Variants in VPS26C observed in about 807,000 individuals in gnomAD.
The protein encoded by VPS26C is vacuolar protein sorting-associated protein 26C.
Under a neutral mutation model 30.6 loss-of-function variants are expected in VPS26C, and 19 were observed. That is an observed-to-expected ratio of 0.62 (90% confidence interval 0.43 to 0.91). VPS26C has a LOEUF of 0.91. Among genes scored for constraint, VPS26C ranks in the 40% least tolerant of loss-of-function variants. The pLI is 0.00. For synonymous variants in VPS26C, 132 were observed against 151.5 expected (o/e 0.87, Z 0.95); for missense variants, 318 against 385.1 (o/e 0.83, Z 1.46).
intron 3 of VPS26C, chr21:37,237,752 G>A (rs1333622377): frequency 8.5e-5 from 13 of 152,196 alleles, no homozygotes; most frequent in Admixed American, 8.5e-4. Context: ...GCAGGATAAT[G>A]TATCTACTAA....
chr21:37,265,872 G>A (rs1204185651), intron 1 of VPS26C, among the ~76,000 whole-genome samples: 1 of 148,054 alleles, frequency 6.8e-6, no homozygotes, highest in Non-Finnish European at 1.5e-5. Context: ...AGAGGAGTGT[G>A]ACTACCAGAT....
rs1371445450 is a variant in VPS26C, at chr21:37,224,535, A to G, written c.*1009T>C. The G allele has an allele frequency of 2.0e-5, 3 of 152,138 alleles. No individual in the cohort carries two copies. The highest frequency in any genetic ancestry group is 6.5e-5 in the Admixed American group (1 of 15,272). The allele number at this position is 152,138 out of a possible 1,614,324, so 9.4% of individuals were successfully genotyped here. ...ACAGTTTGGAAAACTGTCTCTCTCT[A>G]TGTATGTATCTGTTCAGGGAAATGG... On this transcript the variant is annotated 3_prime_UTR_variant, in exon 8 of 8. Transcript: ENST00000309117.
intron 1 of VPS26C, among the ~76,000 whole-genome samples, chr21:37,260,181 G>A (rs975272505): frequency 2.0e-5 from 3 of 152,148 alleles, no homozygotes; most frequent in Admixed American, 6.6e-5. Context: ...ACCACAAAAC[G>A]GAGAAAACGC....
intron 1 of VPS26C, among the ~76,000 whole-genome samples, chr21:37,247,237 C>G (rs1045959016): frequency 6.6e-6 from 1 of 152,130 alleles, no homozygotes; most frequent in African/African-American, 2.4e-5. Context: ...CTCTACTGGA[C>G]AGTGCTGATT....
At position 37,239,018 on chromosome 21, in the gene VPS26C, G is replaced by A. The variant is rs955518256; in HGVS notation, c.202-409C>T. On this transcript the variant is annotated intron_variant, in intron 2 of 7. Transcript: ENST00000309117. ...CGAGCCCCGTGCTCTTCTGGGCAGC[G>A]CTGCCTCTGCTCCTGACAGCCCACC... Among the ~76,000 whole-genome samples, 50 of 152,248 alleles carry A rather than the reference G, an allele frequency of 3.3e-4. 1 individual carries two copies. Among genetic ancestry groups the A allele is most frequent in the Admixed American group, 4.6e-4 (7 of 15,286 alleles).
chr21:37,243,340 C>T (rs1294332359), intron 1 of VPS26C, among the ~76,000 whole-genome samples: 1 of 152,134 alleles, frequency 6.6e-6, no homozygotes, highest in African/African-American at 2.4e-5. Context: ...ACGTATACAC[C>T]GAAATCGTGT....
intron 1 of VPS26C, among the ~76,000 whole-genome samples, chr21:37,263,508 G>C (rs1430537152): frequency 2.0e-5 from 3 of 152,144 alleles, no homozygotes; most frequent in African/African-American, 7.2e-5. Flanking sequence ...TCTTCAACTT[G>C]TCTAGTTGGG....
At chr21:37,267,183 G>C in intron 1 of VPS26C, 55 bp downstream of exon 1, 1 of 1,420,874 alleles carries the variant, frequency 7.0e-7, no homozygotes, top group Non-Finnish European at 9.8e-7. Context: ...GGAGACAGCG[G>C]AACCTGCAGA....
chr21:37,250,115 C>T (rs2086176651), intron 1 of VPS26C, among the ~76,000 whole-genome samples: 1 of 151,820 alleles, frequency 6.6e-6, no homozygotes, highest in Non-Finnish European at 1.5e-5. Context: ...ACCAACTTGG[C>T]CAACATGGTG....
At position 37,257,315 on chromosome 21, in the gene VPS26C, GT is replaced by G. The variant is rs2086253543; in HGVS notation, c.57+9922del. On this transcript the variant is annotated intron_variant, in intron 1 of 7. Transcript: ENST00000309117. This position sits in a 1 kb window ranked among gnomAD's most constrained non-coding sequence, Gnocchi z 4.2. ...CGCTCTGGACAGGCAAACAGGCAAG[GT>G]TCCCTCTGAGGCCGTAGCGGCTTCT... Among the ~76,000 whole-genome samples the G allele has an allele frequency of 6.6e-6, 1 of 152,202 alleles. No homozygotes were observed. The highest frequency in any genetic ancestry group is 1.5e-5 in the Non-Finnish European group (1 of 68,036).
chr21:37,239,629 G>T (rs2086064221), intron 2 of VPS26C, among the ~76,000 whole-genome samples: 1 of 147,502 alleles, frequency 6.8e-6, no homozygotes. Flanking sequence ...TGGAGATGGA[G>T]TTTTGCTCTT....
chr21:37,264,697 C>G (rs8130915), intron 1 of VPS26C, among the ~76,000 whole-genome samples: 32,977 of 152,058 alleles, frequency 0.22, 3,986 homozygotes, highest in South Asian at 0.29. Flanking sequence ...TCATACAGTG[C>G]TGGTAGACTG....
chr21:37,229,653 T>C (rs1322775705), intron 5 of VPS26C, among the ~76,000 whole-genome samples: 1 of 152,250 alleles, frequency 6.6e-6, no homozygotes, highest in African/African-American at 2.4e-5. Flanking sequence ...TTTTACATTC[T>C]TCTTTTCATC....
chr21:37,255,851 A>ATCTTTTTTTTT (rs2086236853), intron 1 of VPS26C, among the ~76,000 whole-genome samples: 1 of 108,514 alleles, frequency 9.2e-6, no homozygotes, highest in Admixed American at 1.0e-4. Flanking sequence ...TATGCACTGC[A>ATCTTTTTTTTT]TTTTTTTTTT....
At chr21:37,247,036 T>C (rs2086144158) in intron 1 of VPS26C, among the ~76,000 whole-genome samples, 2 of 152,236 alleles carry the variant, frequency 1.3e-5, no homozygotes, top group African/African-American at 4.8e-5. Flanking sequence ...ATTACAGGTG[T>C]GAGCCACTGC....
intron 2 of VPS26C, among the ~76,000 whole-genome samples, chr21:37,239,877 C>T (rs1049334211): frequency 3.9e-5 from 6 of 152,126 alleles, no homozygotes; most frequent in Admixed American, 2.0e-4. Context: ...GGATTACAGG[C>T]GTGAGCCACT....
intron 1 of VPS26C, among the ~76,000 whole-genome samples, chr21:37,266,477 C>T (rs757730883): frequency 1.3e-5 from 2 of 152,076 alleles, no homozygotes; most frequent in East Asian, 3.9e-4. Flanking sequence ...GGAACCCAAG[C>T]AATCATATTT....
chr21:37,240,587 T>C lies in VPS26C; in HGVS notation c.110A>G (p.Gln37Arg). Residue 37 changes from glutamine to arginine, a missense_variant, in exon 2 of 8, where the codon CAG (glutamine) becomes CGG (arginine). Gln to Arg is a conservative substitution (Grantham distance 43). Coordinates refer to ENST00000309117, the MANE Select transcript of VPS26C (RefSeq NM_006052.2). ...TCCTTCCATGGTCAAAGACACTCCC[T>C]GGTGTTGGACTGAATCCTTACTCGA... Reference protein sequence around the residue: ...VISSKDSVQHQGVSLTMEGTV... With the variant: ...VISSKDSVQHRGVSLTMEGTV... The C allele has an allele frequency of 6.2e-7, 1 of 1,614,242 alleles. No individual in the cohort carries two copies. The highest frequency in any genetic ancestry group is 1.6e-4 in the Middle Eastern group (1 of 6,062).
intron 1 of VPS26C, among the ~76,000 whole-genome samples, chr21:37,243,212 C>T (rs1483172925): frequency 1.3e-5 from 2 of 152,122 alleles, no homozygotes; most frequent in Non-Finnish European, 2.9e-5. Context: ...ATCAGGAAGA[C>T]ATAAGATTTA....
Sources: gnomAD v4.1 joint callset for allele counts (sites outside exome capture counted in the v4.1 genomes callset) on GRCh38, gnomAD v4.1.1 for gene constraint, Gnocchi (gnomAD v3.1) non-coding constraint, MANE v1.5 for transcripts, NCBI Gene and HGNC (gene_info 2026-07-23, HGNC 2026-07-21) for gene names.